CSMD1: variants seen among roughly 807,000 people sequenced by gnomAD.
CSMD1 encodes CUB and Sushi multiple domains 1, also known as CUB and sushi domain-containing protein 1.
A neutral mutation model predicts 417.5 loss-of-function variants in CSMD1; 213 were observed. The ratio of observed to expected loss-of-function variants is 0.51; its 90% CI spans 0.46 to 0.57. The LOEUF is 0.57. Ranked by LOEUF, CSMD1 falls within the 20% of genes least tolerant of loss-of-function variation. The probability of loss-of-function intolerance (pLI) is 0.00; values close to 1 mark genes in which losing one functional copy is unlikely to be tolerated. For missense variants in CSMD1, 6,923 were observed against 4,529.7 expected (o/e 1.53, Z -15.17); for synonymous variants, 2,862 against 1,736.8 (o/e 1.65, Z -16.11).
chr8:4,310,300 T>C (rs934201489), intron 3 of CSMD1, among the ~76,000 whole-genome samples: 10 of 152,118 alleles, frequency 6.6e-5, no homozygotes, highest in Admixed American at 2.0e-4. Context: ...GAAATTCTTA[T>C]GGGTGGGTGT....
At chr8:4,136,782 G>C (rs1173430733) in intron 3 of CSMD1, among the ~76,000 whole-genome samples, 2 of 152,128 alleles carry the variant, frequency 1.3e-5, no homozygotes, top group East Asian at 3.9e-4. Flanking sequence ...TGATTAGTTT[G>C]TTGGACTCAA....
chr8:3,694,413 C>G (rs539645302), intron 7 of CSMD1, among the ~76,000 whole-genome samples: 3 of 152,104 alleles, frequency 2.0e-5, no homozygotes, highest in Non-Finnish European at 4.4e-5. Flanking sequence ...CTGCTGCACA[C>G]CAGGGAGTAA....
At chr8:3,563,442 TAAAAAAAAAA>T (rs60108067) in intron 10 of CSMD1, among the ~76,000 whole-genome samples, 4 of 62,784 alleles carry the variant, frequency 6.4e-5, no homozygotes, top group Non-Finnish European at 1.3e-4. Flanking sequence ...TATTAAAAGG[TAAAAAAAAAA>T]AAAAAAAAAA....
At chr8:3,338,351 G>A (rs1011817628) in intron 23 of CSMD1, among the ~76,000 whole-genome samples, 1 of 152,194 alleles carries the variant, frequency 6.6e-6, no homozygotes, top group Non-Finnish European at 1.5e-5. Flanking sequence ...AAGTGAATGA[G>A]GGCAGTAGAC....
intron 1 of CSMD1, among the ~76,000 whole-genome samples, chr8:4,705,617 A>G (rs1242262194): frequency 4.6e-5 from 7 of 152,142 alleles, no homozygotes; most frequent in Non-Finnish European, 1.0e-4. Flanking sequence ...CTCATCTTAT[A>G]TTCTGATACT....
At chr8:3,068,778 T>G (rs1477992270) in intron 49 of CSMD1, among the ~76,000 whole-genome samples, 1 of 152,012 alleles carries the variant, frequency 6.6e-6, no homozygotes, top group African/African-American at 2.4e-5. Context: ...CAGCAATAAG[T>G]CGTGAGGGAT....
At chr8:4,505,446 C>T (rs900297723) in intron 2 of CSMD1, among the ~76,000 whole-genome samples, 1 of 152,002 alleles carries the variant, frequency 6.6e-6, no homozygotes, top group Non-Finnish European at 1.5e-5. Context: ...TCGATTTAAA[C>T]AGTAATAATT....
Position 4,591,991 on chromosome 8 carries a change from G to A in CSMD1, c.302+45351C>T, listed in dbSNP as rs534572292. 3.9e-5 allele frequency among the ~76,000 whole-genome samples: 6 copies of A among 152,238 alleles called. No individual in the cohort carries two copies. The East Asian group carries it at 1.2e-3, about 30-fold the overall frequency. On this transcript the variant is annotated intron_variant, in intron 2 of 69. Transcript: ENST00000635120. ...TGGAGATATTGGCAAAGGCAAAACA[G>A]GCTGCAGGTCATGCAATGCGGCCAG...
At chr8:4,458,706 ATTTC>A (rs927290383) in intron 2 of CSMD1, among the ~76,000 whole-genome samples, 27 of 152,306 alleles carry the variant, frequency 1.8e-4, no homozygotes, top group East Asian at 7.7e-4. Context: ...TAATTAGATT[ATTTC>A]TTTATTAGTG....
At chr8:3,742,292 C>A (rs979775913) in intron 6 of CSMD1, among the ~76,000 whole-genome samples, 1 of 152,120 alleles carries the variant, frequency 6.6e-6, no homozygotes, top group Non-Finnish European at 1.5e-5. Flanking sequence ...AACGTTCATA[C>A]AAATGTTTAT....
At chr8:4,528,038 T>C (rs1488213668) in intron 2 of CSMD1, among the ~76,000 whole-genome samples, 1 of 152,178 alleles carries the variant, frequency 6.6e-6, no homozygotes, top group African/African-American at 2.4e-5. Context: ...TTGGAAAACA[T>C]GCATCAAAGC....
At chr8:3,010,723 T>G (rs1585144040) in intron 52 of CSMD1, among the ~76,000 whole-genome samples, 1 of 152,032 alleles carries the variant, frequency 6.6e-6, no homozygotes. Flanking sequence ...TATATTTCCC[T>G]TTTGCCATTA....
chr8:4,894,555 A>T (rs1053271754), intron 1 of CSMD1, among the ~76,000 whole-genome samples: 2 of 11,780 alleles, frequency 1.7e-4, no homozygotes, highest in Non-Finnish European at 6.9e-4. Context: ...CTCATCTCAA[A>T]AAAGAAAAAA....
intron 3 of CSMD1, among the ~76,000 whole-genome samples, chr8:4,108,876 C>T (rs1801707321): frequency 6.6e-6 from 1 of 152,152 alleles, no homozygotes; most frequent in Non-Finnish European, 1.5e-5. Context: ...AAGAATTTGT[C>T]ACTTTAGTGG....
chr8:3,143,861 A>G (rs1412504488), intron 40 of CSMD1, among the ~76,000 whole-genome samples: 1 of 152,246 alleles, frequency 6.6e-6, no homozygotes. Context: ...TCACACAAAC[A>G]CATCCACTCA....
chr8:4,661,889 A>G (rs1005217387), intron 1 of CSMD1, among the ~76,000 whole-genome samples: 1 of 152,202 alleles, frequency 6.6e-6, no homozygotes, highest in Non-Finnish European at 1.5e-5. Context: ...GCATGCTGAG[A>G]CAAGAATATA....
chr8:4,222,124 C>T (rs1801067871), intron 3 of CSMD1, among the ~76,000 whole-genome samples: 1 of 151,410 alleles, frequency 6.6e-6, no homozygotes, highest in South Asian at 2.1e-4. Context: ...AAAACAGAAG[C>T]AAGTAGAAGA....
chr8:2,977,049 T>C (rs1026412451), intron 55 of CSMD1, among the ~76,000 whole-genome samples: 17 of 151,810 alleles, frequency 1.1e-4, no homozygotes, highest in African/African-American at 4.1e-4. Context: ...TATGAGGTTT[T>C]TTTAAAAAAA....
intron 1 of CSMD1, among the ~76,000 whole-genome samples, chr8:4,934,101 G>C (rs183000511): frequency 6.6e-6 from 1 of 152,088 alleles, no homozygotes; most frequent in Non-Finnish European, 1.5e-5. Flanking sequence ...GGCGGCAGCC[G>C]TGAGCACCAG....
Sources: allele counts gnomAD v4.1 joint callset (sites outside exome capture counted in the v4.1 genomes callset), GRCh38; gene constraint gnomAD v4.1.1; transcripts MANE v1.5; gene names NCBI Gene and HGNC (gene_info 2026-07-23, HGNC 2026-07-21).